KLHL29: variants seen among roughly 807,000 people sequenced by gnomAD.
KLHL29 encodes the protein kelch like family member 29.
Under a neutral mutation model 80.4 loss-of-function variants are expected in KLHL29, and 21 were observed. That is an observed-to-expected ratio of 0.26 (90% confidence interval 0.19 to 0.38). The LOEUF (loss-of-function observed/expected upper bound fraction) is 0.38. Among genes scored for constraint, KLHL29 ranks in the 10% least tolerant of loss-of-function variants. The pLI is 1.00. For synonymous variants in KLHL29, 511 were observed against 526.8 expected, an observed-to-expected ratio of 0.97 and a Z score of 0.41; for missense variants, 867 against 1,223.9, an observed-to-expected ratio of 0.71 and a Z score of 4.35.
At chr2:23,412,016 G>C (rs1034506812) in intron 1 of KLHL29, among the ~76,000 whole-genome samples, 3 of 152,056 alleles carry the variant, frequency 2.0e-5, no homozygotes, top group Non-Finnish European at 4.4e-5. Flanking sequence ...GAGAGCATTT[G>C]GGGCAGAAGA....
At position 23,549,369 on chromosome 2, in the gene KLHL29, G is replaced by A. The variant is rs576595203; in HGVS notation, c.-45-12783G>A. 1.1e-4 allele frequency among the ~76,000 whole-genome samples: 16 copies of A among 152,296 alleles called. No homozygotes were observed. The South Asian group carries it at 3.1e-3, about 30-fold the overall frequency. ...AAACAGCCAGCTCTGCACTGGAGATGTGAACTTGTCAACAGAGGCTGCCTC... is the reference window on the plus strand; with the variant it reads ...AAACAGCCAGCTCTGCACTGGAGATATGAACTTGTCAACAGAGGCTGCCTC... On this transcript the variant is annotated intron_variant, in intron 2 of 13. Coordinates refer to ENST00000486442, the MANE Select transcript of KLHL29 (RefSeq NM_052920.2).
chr2:23,622,989 C>T lies in KLHL29; in HGVS notation c.286-16150C>T, dbSNP rs140146114. 4.5e-3 allele frequency among the ~76,000 whole-genome samples: 692 copies of T among 152,280 alleles called. 5 individuals carry two copies. The highest frequency in any genetic ancestry group is 0.016 in the African/African-American group (662 of 41,548). On this transcript the variant is annotated intron_variant, in intron 3 of 13. Transcript: ENST00000486442. ...CTCCAGAGTCCTACTCCTACCCACT[C>T]CCCTGAGTGAGAAACCTTGTCCTGC...
chr2:23,407,306 T>C (rs1175665073), intron 1 of KLHL29, among the ~76,000 whole-genome samples: 1 of 152,170 alleles, frequency 6.6e-6, no homozygotes, highest in Non-Finnish European at 1.5e-5. Flanking sequence ...TACCCTATTC[T>C]ATCCTATTAT....
rs1381195741 is a variant in KLHL29 at position 23,693,262 on chromosome 2, C to T, written c.1283-7C>T. ...TTGGGTCAGTGGTCCTGCGCTGTCGCCCCCAGAGAAGCAGCTGACGGCCAG... is the reference window on the plus strand; with the variant it reads ...TTGGGTCAGTGGTCCTGCGCTGTCGTCCCCAGAGAAGCAGCTGACGGCCAG... On this transcript the variant is annotated splice_region_variant and splice_polypyrimidine_tract_variant and intron_variant, in intron 7 of 13. Coordinates refer to ENST00000486442, the MANE Select transcript of KLHL29 (RefSeq NM_052920.2). The T allele has an allele frequency of 6.5e-7, 1 of 1,539,808 alleles. No individual in the cohort carries two copies. Among genetic ancestry groups the T allele is most frequent in the East Asian group, 2.5e-5 (1 of 40,604 alleles).
In KLHL29 at chr2:23,484,551, A is replaced by G. The variant is rs376225233; in HGVS notation, c.-46+8884A>G. 6.8e-4 allele frequency among the ~76,000 whole-genome samples: 103 copies of G among 152,352 alleles called. 1 individual carries two copies. The South Asian group carries it at 0.017, about 25-fold the overall frequency. On this transcript the variant is annotated intron_variant, in intron 2 of 13. Coordinates refer to ENST00000486442, the MANE Select transcript of KLHL29 (RefSeq NM_052920.2). ...AAAACGGAAGTCAGAACACAGAGAC[A>G]TTCTGTCCAGGCCCTTCTGGGATCA...
chr2:23,663,429 C>T (rs953516262), intron 5 of KLHL29, among the ~76,000 whole-genome samples: 1 of 152,356 alleles, frequency 6.6e-6, no homozygotes, highest in South Asian at 2.1e-4. Flanking sequence ...CCCGCGGCTC[C>T]GCCGTCACGT....
chr2:23,628,456 G>C (rs985788429), intron 3 of KLHL29, among the ~76,000 whole-genome samples: 6 of 152,130 alleles, frequency 3.9e-5, no homozygotes, highest in African/African-American at 1.4e-4. Flanking sequence ...GGGTCGTTGG[G>C]AGTCATCTCC....
At chr2:23,529,865 G>A (rs894626099) in intron 2 of KLHL29, among the ~76,000 whole-genome samples, 1 of 152,200 alleles carries the variant, frequency 6.6e-6, no homozygotes, top group African/African-American at 2.4e-5. Flanking sequence ...ACAAAGGCTT[G>A]CCCGTTGCAG....
chr2:23,396,959 A>G (rs548686436), intron 1 of KLHL29, among the ~76,000 whole-genome samples: 2 of 151,906 alleles, frequency 1.3e-5, no homozygotes, highest in African/African-American at 2.4e-5. Context: ...TTTTCTCTGT[A>G]TAAGGTCACC....
rs185185723 is a variant in KLHL29 at position 23,693,089 on chromosome 2, C to T, written c.1283-180C>T. Among the ~76,000 whole-genome samples, 860 of 152,220 alleles carry T rather than the reference C, an allele frequency of 5.6e-3. 6 individuals carry two copies. The highest frequency in any genetic ancestry group is 0.02 in the African/African-American group (827 of 41,528). ...CAGCATGAAATGGGGTAGGGGAGAA[C>T]CCAGGAGAAGGATCGAAGCCTCCAG... On this transcript the variant is annotated intron_variant, in intron 7 of 13. Transcript: ENST00000486442.
At chr2:23,688,117 G>C (rs1671358001) in intron 6 of KLHL29, among the ~76,000 whole-genome samples, 1 of 152,150 alleles carries the variant, frequency 6.6e-6, no homozygotes, top group Non-Finnish European at 1.5e-5. Context: ...CAGATAACGA[G>C]ACTCCCATGT....
At chr2:23,532,128 G>A (rs1393148006) in intron 2 of KLHL29, among the ~76,000 whole-genome samples, 1 of 152,190 alleles carries the variant, frequency 6.6e-6, no homozygotes, top group Non-Finnish European at 1.5e-5. Context: ...GCTCCACTGG[G>A]GCCATGCCTG....
chr2:23,546,037 G>A (rs1395918565), intron 2 of KLHL29, among the ~76,000 whole-genome samples: 1 of 152,256 alleles, frequency 6.6e-6, no homozygotes, highest in African/African-American at 2.4e-5. Context: ...GCCAAGAGCA[G>A]ATGGTGTCTC....
intron 1 of KLHL29, among the ~76,000 whole-genome samples, chr2:23,453,876 C>T (rs1350494598): frequency 1.3e-5 from 2 of 152,024 alleles, no homozygotes; most frequent in Non-Finnish European, 2.9e-5. Flanking sequence ...TTTTATTTAA[C>T]CTGCATTTAC....
At position 23,597,343 on chromosome 2, in the gene KLHL29, G is replaced by GTGTA. The variant is rs1668439839; in HGVS notation, c.285+34868_285+34871dup. 2.2e-5 allele frequency among the ~76,000 whole-genome samples: 3 copies of GTGTA among 134,448 alleles called. No homozygotes were observed. The South Asian group carries it at 7.0e-4, about 31-fold the overall frequency. The allele number at this position is 134,448 out of a possible 152,430, so 88.2% of individuals were successfully genotyped here. A position where few individuals can be genotyped will look rare whatever the true frequency, so the allele number is the denominator to read the frequency against. On this transcript the variant is annotated intron_variant, in intron 3 of 13. Coordinates refer to ENST00000486442, the MANE Select transcript of KLHL29 (RefSeq NM_052920.2). ...TGTGTGTGTGTGTGTGTGTGTGTGTGTGTATGTATATGTGTATGTATATAT... is the reference window on the plus strand; with the variant it reads ...TGTGTGTGTGTGTGTGTGTGTGTGTGTGTATGTATGTATATGTGTATGTATATAT...
At chr2:23,628,540 GT>G (rs1348548286) in intron 3 of KLHL29, among the ~76,000 whole-genome samples, 5 of 152,290 alleles carry the variant, frequency 3.3e-5, no homozygotes, top group Non-Finnish European at 7.4e-5. Flanking sequence ...TAATCCCAGT[GT>G]TTTGGGAGGC....
At chr2:23,403,221 G>C (rs1381969433) in intron 1 of KLHL29, among the ~76,000 whole-genome samples, 1 of 152,088 alleles carries the variant, frequency 6.6e-6, no homozygotes, top group African/African-American at 2.4e-5. Context: ...AGTTAATTTT[G>C]CCATGCCCGT....
intron 3 of KLHL29, among the ~76,000 whole-genome samples, chr2:23,578,529 GTTA>G (rs1406131729): frequency 6.6e-6 from 1 of 152,154 alleles, no homozygotes; most frequent in African/African-American, 2.4e-5. Context: ...AGCATGATCT[GTTA>G]TTATTACCAT....
At chr2:23,466,868 T>G (rs777689215) in intron 1 of KLHL29, among the ~76,000 whole-genome samples, 4 of 152,154 alleles carry the variant, frequency 2.6e-5, no homozygotes, top group Non-Finnish European at 5.9e-5. Flanking sequence ...AAGACTGGGT[T>G]GGGATGTTAT....
Sources: gnomAD v4.1 joint callset for allele counts (sites outside exome capture counted in the v4.1 genomes callset) on GRCh38, gnomAD v4.1.1 for gene constraint, MANE v1.5 for transcripts, NCBI Gene and HGNC (gene_info 2026-07-23, HGNC 2026-07-21) for gene names.